GALNT13: variants seen among roughly 807,000 people sequenced by gnomAD.
The protein encoded by GALNT13 is polypeptide N-acetylgalactosaminyltransferase 13.
A neutral mutation model predicts 64.2 loss-of-function variants in GALNT13; 28 were observed. The observed-to-expected ratio is 0.44, with a 90% CI of 0.32 to 0.60. The LOEUF is 0.60. Ranked by LOEUF, GALNT13 falls within the 20% of genes least tolerant of loss-of-function variation. The probability of loss-of-function intolerance (pLI) is 0.05; values close to 1 mark genes in which losing one functional copy is unlikely to be tolerated. For synonymous variants in GALNT13, 214 were observed against 224.6 expected (o/e 0.95, Z 0.42); for missense variants, 577 against 669.8 (o/e 0.86, Z 1.53).
chr2:153,235,022 A>T, the GALNT13 span, among the ~76,000 whole-genome samples: 1 of 152,174 alleles, frequency 6.6e-6, no homozygotes, highest in Admixed American at 6.6e-5. Flanking sequence ...ATCTGTTATC[A>T]GTGATCTCTG....
chr2:153,865,063 G>A, the GALNT13 span, among the ~76,000 whole-genome samples: 1 of 148,112 alleles, frequency 6.8e-6, no homozygotes, highest in Non-Finnish European at 1.5e-5. Context: ...ATGGGGAAAG[G>A]ATTCCCTATT....
chr2:153,532,672 C>T, the GALNT13 span, among the ~76,000 whole-genome samples: 5 of 152,068 alleles, frequency 3.3e-5, no homozygotes, highest in Admixed American at 6.5e-5. Context: ...TACATTATTT[C>T]CTTGCTTACA....
chr2:153,290,134 A>G, the GALNT13 span, among the ~76,000 whole-genome samples: 1 of 152,322 alleles, frequency 6.6e-6, no homozygotes, highest in African/African-American at 2.4e-5. Flanking sequence ...CAAAATCCAT[A>G]AACAGGGACC....
chr2:153,428,464 C>T, the GALNT13 span, among the ~76,000 whole-genome samples: 1 of 152,176 alleles, frequency 6.6e-6, no homozygotes, highest in Non-Finnish European at 1.5e-5. Flanking sequence ...GATCTGCTAC[C>T]ATGCCACAGA....
the GALNT13 span, among the ~76,000 whole-genome samples, chr2:153,118,147 C>CACACACA: frequency 0.17 from 24,446 of 139,940 alleles, 2,570 homozygotes; most frequent in Admixed American, 0.25. Context: ...ACACACACAC[C>CACACACA]CCACATAAAC....
intron 9 of GALNT13, among the ~76,000 whole-genome samples, chr2:154,347,456 T>G (rs1448988904): frequency 6.6e-6 from 1 of 152,132 alleles, no homozygotes; most frequent in East Asian, 1.9e-4. Context: ...CTCTCTAAAT[T>G]TTTTCTTTAT....
At chr2:153,580,714 A>G in the GALNT13 span, among the ~76,000 whole-genome samples, 1 of 152,196 alleles carries the variant, frequency 6.6e-6, no homozygotes, top group Non-Finnish European at 1.5e-5. Context: ...CCTCCATCAT[A>G]TAGGTGTTTA....
intron 2 of GALNT13, among the ~76,000 whole-genome samples, chr2:153,935,159 T>C (rs1393243291): frequency 6.6e-6 from 1 of 152,184 alleles, no homozygotes; most frequent in Non-Finnish European, 1.5e-5. Flanking sequence ...TGTAAATAAG[T>C]CTAAGAGGAT....
At chr2:153,086,444 G>A in the GALNT13 span, among the ~76,000 whole-genome samples, 9 of 152,096 alleles carry the variant, frequency 5.9e-5, no homozygotes, top group African/African-American at 1.2e-4. Context: ...TAATTGAATC[G>A]GGGGGCTGTT....
the GALNT13 span, among the ~76,000 whole-genome samples, chr2:153,408,057 G>A: frequency 0.19 from 28,830 of 152,178 alleles, 2,800 homozygotes; most frequent in Non-Finnish European, 0.21. Context: ...GAGTGGATAG[G>A]AGACTTCAAA....
the GALNT13 span, among the ~76,000 whole-genome samples, chr2:153,668,603 A>G: frequency 0.011 from 1,667 of 152,204 alleles, 16 homozygotes; most frequent in Non-Finnish European, 0.019. Context: ...AAGAGACACT[A>G]GGATGAAGGG....
At chr2:153,260,748 G>A in the GALNT13 span, among the ~76,000 whole-genome samples, 2 of 152,090 alleles carry the variant, frequency 1.3e-5, no homozygotes, top group African/African-American at 4.8e-5. Context: ...CTAGATTTGA[G>A]AAGTTTTCTG....
At chr2:154,035,365 G>A (rs1181682696) in intron 3 of GALNT13, among the ~76,000 whole-genome samples, 1 of 151,980 alleles carries the variant, frequency 6.6e-6, no homozygotes, top group African/African-American at 2.4e-5. Context: ...TCAAATGGAC[G>A]TTGAAATTTA....
At chr2:154,057,464 T>G (rs1013584317) in intron 3 of GALNT13, among the ~76,000 whole-genome samples, 3 of 152,232 alleles carry the variant, frequency 2.0e-5, no homozygotes, top group African/African-American at 7.2e-5. Flanking sequence ...CATTAAATAT[T>G]TATGTAGTAC....
At chr2:153,481,082 T>C in the GALNT13 span, among the ~76,000 whole-genome samples, 2 of 152,170 alleles carry the variant, frequency 1.3e-5, no homozygotes, top group South Asian at 4.1e-4. Flanking sequence ...GACTAATTAG[T>C]CACAAAATTG....
intron 3 of GALNT13, among the ~76,000 whole-genome samples, chr2:154,133,542 A>ATATATATG (rs1421147711): frequency 6.3e-5 from 1 of 15,866 alleles, no homozygotes; most frequent in African/African-American, 2.0e-4. Context: ...TTTTATATAT[A>ATATATATG]TATATATATA....
chr2:153,770,434 G>T, the GALNT13 span, among the ~76,000 whole-genome samples: 63 of 152,234 alleles, frequency 4.1e-4, no homozygotes, highest in East Asian at 0.011. Context: ...ATATGAGCAG[G>T]TTCACTGGCA....
chr2:154,001,112 C>CT (rs1280023207), intron 3 of GALNT13, among the ~76,000 whole-genome samples: 3 of 151,818 alleles, frequency 2.0e-5, no homozygotes, highest in Non-Finnish European at 4.4e-5. Context: ...TACTTACACT[C>CT]TTTTTTTAGT....
At chr2:153,393,988 A>C in the GALNT13 span, among the ~76,000 whole-genome samples, 1 of 100,842 alleles carries the variant, frequency 9.9e-6, no homozygotes, top group Non-Finnish European at 2.1e-5. Context: ...ACACACACAC[A>C]CACCCCCTAT....
Sources: gnomAD v4.1 joint callset for allele counts (sites outside exome capture counted in the v4.1 genomes callset) on GRCh38, gnomAD v4.1.1 for gene constraint, MANE v1.5 for transcripts, NCBI Gene and HGNC (gene_info 2026-07-23, HGNC 2026-07-21) for gene names.